TBCK: variants seen among roughly 807,000 people sequenced by gnomAD.
TBCK encodes the protein TBC domain-containing protein kinase-like protein.
TBCK carries 99 observed loss-of-function variants against 113.4 expected under a neutral mutation model. That is an observed-to-expected ratio of 0.87 (90% CI 0.74 to 1.03). TBCK has a LOEUF of 1.03. Among genes scored for constraint, TBCK ranks in the 50% least tolerant of loss-of-function variants. The pLI is 0.00. For synonymous variants in TBCK, 369 were observed against 370.8 expected (o/e 1.00, Z 0.05); for missense variants, 1,045 against 1,061.3 (o/e 0.98, Z 0.21).
At chr4:106,188,326 T>C (rs1397846339) in intron 22 of TBCK, among the ~76,000 whole-genome samples, 1 of 152,200 alleles carries the variant, frequency 6.6e-6, no homozygotes, top group East Asian at 1.9e-4. Flanking sequence ...TTAAACAGTT[T>C]CTGACTTTTA....
chr4:106,195,492 T>TGTGTGTGTGTGTGTGTGTG lies in TBCK; in HGVS notation c.1861-739_1861-738insCACACACACACACACACAC, dbSNP rs371211369. Among the ~76,000 whole-genome samples, 401 of 149,048 alleles carry TGTGTGTGTGTGTGTGTGTG rather than the reference T, an allele frequency of 2.7e-3. 2 individuals carry two copies. Among genetic ancestry groups the TGTGTGTGTGTGTGTGTGTG allele is most frequent in the Middle Eastern group, 0.017 (5 of 292 alleles). ...TAGGTATCTGGTTAAATGTGTGTGTTTGTGTGTGTGTGTGTGTTTGTGTGT... is the reference window on the plus strand; with the variant it reads ...TAGGTATCTGGTTAAATGTGTGTGTTGTGTGTGTGTGTGTGTGTGTGTGTGTGTGTGTGTGTTTGTGTGT... On this transcript the variant is annotated intron_variant, in intron 20 of 25. Transcript: ENST00000394708.
chr4:106,154,950 T>C (rs1299103507), intron 23 of TBCK, among the ~76,000 whole-genome samples: 4 of 151,436 alleles, frequency 2.6e-5, no homozygotes, highest in Non-Finnish European at 4.4e-5. Context: ...CTATTACTAG[T>C]GAGTTTTTTT....
At chr4:106,048,843 T>G (rs1734493523) in intron 25 of TBCK, among the ~76,000 whole-genome samples, 1 of 152,130 alleles carries the variant, frequency 6.6e-6, no homozygotes, top group Admixed American at 6.6e-5. Flanking sequence ...ACAACCAGGC[T>G]GCTACTGAGC....
intron 2 of TBCK, among the ~76,000 whole-genome samples, chr4:106,303,819 T>C (rs187624967): frequency 3.3e-5 from 5 of 152,270 alleles, no homozygotes; most frequent in Admixed American, 1.3e-4. Context: ...TAACCAACCA[T>C]GAAGTGGTTC....
At chr4:106,277,305 T>A (rs1764139493) in intron 3 of TBCK, among the ~76,000 whole-genome samples, 1 of 152,138 alleles carries the variant, frequency 6.6e-6, no homozygotes, top group Non-Finnish European at 1.5e-5. Flanking sequence ...GTCATACACA[T>A]GATTAATATC....
At chr4:106,170,113 T>A (rs1750822127) in intron 23 of TBCK, among the ~76,000 whole-genome samples, 2 of 152,026 alleles carry the variant, frequency 1.3e-5, no homozygotes, top group Admixed American at 1.3e-4. Context: ...TAGAACAACA[T>A]TTACCATTTA....
chr4:106,239,110 G>C (rs551015459), intron 12 of TBCK, among the ~76,000 whole-genome samples: 2 of 152,122 alleles, frequency 1.3e-5, no homozygotes, highest in Non-Finnish European at 2.9e-5. Context: ...GAAACTCTTC[G>C]GTCAGGTCTT....
Position 106,248,271 on chromosome 4 carries a change from CT to C in TBCK, c.755del (p.Lys252SerfsTer16). 2 of 1,597,882 alleles carry C rather than the reference CT, an allele frequency of 1.3e-6. No individual in the cohort carries two copies. The highest frequency in any genetic ancestry group is 2.3e-5 in the South Asian group (2 of 87,576). On this transcript the variant is annotated frameshift_variant, in exon 9 of 26. Transcript: ENST00000394708. LOFTEE classifies it high-confidence loss of function. Reference protein sequence around the residue: ...LPETVIDLLNKCLTFHPSKRP... With the variant: ...LPETVIDLLNXCLTFHPSKRP... ...TCTTAGAAGGATGGAAGGTAAGGCA[CT>C]TATTCAAAAGATCTATCACAGTTTC...
chr4:106,269,966 C>T (rs2150126361), intron 3 of TBCK, among the ~76,000 whole-genome samples: 1 of 152,252 alleles, frequency 6.6e-6, no homozygotes, highest in Admixed American at 6.5e-5. Flanking sequence ...AGTGTTCCAA[C>T]TTCACCCTGC....
intron 14 of TBCK, 45 bp downstream of exon 14, chr4:106,236,345 T>A (rs78137816): frequency 0.019 from 25,300 of 1,322,674 alleles, 280 homozygotes; most frequent in Middle Eastern, 0.031. Flanking sequence ...TAAAAAAAAA[T>A]TCCATATGGG....
chr4:106,188,772 ATAAAG>A (rs1753325890), intron 22 of TBCK, among the ~76,000 whole-genome samples: 1 of 152,214 alleles, frequency 6.6e-6, no homozygotes, highest in African/African-American at 2.4e-5. Context: ...TTTAAACTTT[ATAAAG>A]TATTTACATG....
At chr4:106,124,552 G>A (rs1378720880) in intron 23 of TBCK, among the ~76,000 whole-genome samples, 20 of 152,196 alleles carry the variant, frequency 1.3e-4, no homozygotes, top group Non-Finnish European at 2.1e-4. Context: ...ACATGCACAC[G>A]TATGTTTATT....
rs1761117897 is a variant in TBCK, at chr4:106,248,861, C to T, written c.720+60G>A. ...TAAATTTTTGTCTTTATAAGTTACC[C>T]AATATCAGGTATTTTGTTATAGCAG... is the stretch of plus-strand genomic sequence containing the variant. On this transcript the variant is annotated intron_variant, in intron 8 of 25. Transcript: ENST00000394708. 5 of 1,349,028 alleles carry T rather than the reference C, an allele frequency of 3.7e-6. 1 individual carries two copies. Among genetic ancestry groups the T allele is most frequent in the Non-Finnish European group, 5.1e-6 (5 of 975,784 alleles). 83.6% of individuals were successfully genotyped at this position (1,349,028 alleles called of 1,614,324 possible). A position where few individuals can be genotyped will look rare whatever the true frequency, so the allele number is the denominator to read the frequency against.
At chr4:106,278,623 G>T (rs1199955977) in intron 3 of TBCK, among the ~76,000 whole-genome samples, 1 of 108,840 alleles carries the variant, frequency 9.2e-6, no homozygotes. Context: ...AAATGGAAAA[G>T]AATTTTTTCT....
At chr4:106,160,574 C>CA (rs763047894) in intron 23 of TBCK, among the ~76,000 whole-genome samples, 36 of 149,476 alleles carry the variant, frequency 2.4e-4, no homozygotes, top group South Asian at 8.5e-4. Flanking sequence ...ATTTATTATT[C>CA]AAAAAAAAGA....
chr4:106,271,570 G>A (rs961663665), intron 3 of TBCK, among the ~76,000 whole-genome samples: 3 of 151,844 alleles, frequency 2.0e-5, no homozygotes, highest in African/African-American at 7.3e-5. Flanking sequence ...TAACCAACAT[G>A]GCAAAACCCC....
chr4:106,061,644 T>C (rs1229844742), intron 25 of TBCK, among the ~76,000 whole-genome samples: 1 of 150,530 alleles, frequency 6.6e-6, no homozygotes, highest in East Asian at 1.9e-4. Flanking sequence ...GCAGTATCTT[T>C]GAGGTGTGCC....
At chr4:106,212,428 A>G (rs1756259871) in intron 20 of TBCK, among the ~76,000 whole-genome samples, 1 of 152,186 alleles carries the variant, frequency 6.6e-6, no homozygotes, top group Non-Finnish European at 1.5e-5. Flanking sequence ...ACTTAAGTAT[A>G]GACTTCCTAT....
At chr4:106,170,091 G>A (rs1750819008) in intron 23 of TBCK, among the ~76,000 whole-genome samples, 1 of 151,934 alleles carries the variant, frequency 6.6e-6, no homozygotes, top group Admixed American at 6.6e-5. Flanking sequence ...TGGGGGTTGG[G>A]GATCCCTGAT....
Sources: gnomAD v4.1 joint callset for allele counts (sites outside exome capture counted in the v4.1 genomes callset) on GRCh38, gnomAD v4.1.1 for gene constraint, MANE v1.5 for transcripts, NCBI Gene and HGNC (gene_info 2026-07-23, HGNC 2026-07-21) for gene names.